PCDHA8: variants seen among roughly 807,000 people sequenced by gnomAD.
PCDHA8 encodes protocadherin alpha-8.
A neutral mutation model predicts 61.8 loss-of-function variants in PCDHA8; 53 were observed. The ratio of observed to expected loss-of-function variants is 0.86; its 90% CI spans 0.69 to 1.08. PCDHA8 has a LOEUF of 1.08. Among genes scored for constraint, PCDHA8 ranks in the 50% least tolerant of loss-of-function variants. PCDHA8 has a pLI of 0.00. For missense variants in PCDHA8, 1,293 were observed against 1,245.0 expected, an observed-to-expected ratio of 1.04 and a Z score of -0.58; for synonymous variants, 618 against 556.6, an observed-to-expected ratio of 1.11 and a Z score of -1.55.
intron 1 of PCDHA8, among the ~76,000 whole-genome samples, chr5:140,963,630 C>T (rs1370293911): frequency 3.3e-5 from 5 of 152,140 alleles, no homozygotes; most frequent in African/African-American, 1.2e-4. Flanking sequence ...TTGTTGCATA[C>T]GCATCTTCCC....
At chr5:140,965,555 G>A (rs1373065218) in intron 1 of PCDHA8, among the ~76,000 whole-genome samples, 4 of 151,798 alleles carry the variant, frequency 2.6e-5, no homozygotes, top group Non-Finnish European at 5.9e-5. Flanking sequence ...CCTGGCTTAG[G>A]AGATCAACAG....
At chr5:140,901,697 C>T (rs57431111) in intron 1 of PCDHA8, among the ~76,000 whole-genome samples, 1,867 of 152,140 alleles carry the variant, frequency 0.012, 40 homozygotes, top group African/African-American at 0.043. Context: ...TTTTGTAGTT[C>T]TATATACATT....
At chr5:140,998,779 G>T (rs782154283) in intron 3 of PCDHA8, among the ~76,000 whole-genome samples, 3 of 152,140 alleles carry the variant, frequency 2.0e-5, no homozygotes, top group Non-Finnish European at 4.4e-5. Context: ...GGTCAGGCTG[G>T]TCTGGAACCC....
At chr5:140,896,572 T>C (rs1208639295) in intron 1 of PCDHA8, among the ~76,000 whole-genome samples, 5 of 152,002 alleles carry the variant, frequency 3.3e-5, no homozygotes, top group Admixed American at 3.3e-4. Context: ...AGATGGGGTT[T>C]TGACGTGTTG....
In PCDHA8 at chr5:140,900,436, G is replaced by C. The variant is rs553121120; in HGVS notation, c.2394+56721G>C. 8.5e-5 allele frequency among the ~76,000 whole-genome samples: 13 copies of C among 152,126 alleles called. No individual in the cohort carries two copies. The East Asian group carries it at 2.5e-3, about 30-fold the overall frequency. ...GGGATTATAGGCACGTGCCACCACG[G>C]CCGGCTAATTTTTTATTTTTAGTAG... On this transcript the variant is annotated intron_variant, in intron 1 of 3. Transcript: ENST00000531613.
intron 1 of PCDHA8, chr5:140,858,518 A>G: frequency 7.0e-7 from 1 of 1,420,434 alleles, no homozygotes; most frequent in African/African-American, 1.4e-5. Context: ...TATGTATCAG[A>G]ATATTTCATT....
At chr5:140,999,526 C>G (rs1429753507) in intron 3 of PCDHA8, among the ~76,000 whole-genome samples, 1 of 152,026 alleles carries the variant, frequency 6.6e-6, no homozygotes, top group Non-Finnish European at 1.5e-5. Context: ...TTTGTTACCC[C>G]CTGGATATGA....
At chr5:140,868,887 GGC>G in intron 1 of PCDHA8, 1 of 740,170 alleles carries the variant, frequency 1.4e-6, no homozygotes, top group Non-Finnish European at 2.1e-6. Context: ...CACAGTTTTA[GGC>G]GCAAGGTGTC....
intron 1 of PCDHA8, among the ~76,000 whole-genome samples, chr5:140,888,287 C>G (rs1371852276): frequency 6.6e-6 from 1 of 152,072 alleles, no homozygotes; most frequent in African/African-American, 2.4e-5. Flanking sequence ...CCCCTCTACC[C>G]CCTACCCAGG....
chr5:140,910,580 C>T (rs1384259049), intron 1 of PCDHA8, among the ~76,000 whole-genome samples: 1 of 152,162 alleles, frequency 6.6e-6, no homozygotes, highest in Non-Finnish European at 1.5e-5. Flanking sequence ...CTGGATCCTC[C>T]CAGCTGGGAT....
At chr5:140,977,836 T>C (rs1300356505) in intron 1 of PCDHA8, among the ~76,000 whole-genome samples, 1 of 152,236 alleles carries the variant, frequency 6.6e-6, no homozygotes, top group African/African-American at 2.4e-5. Flanking sequence ...TCTATTGATA[T>C]TACTATGGCT....
intron 1 of PCDHA8, among the ~76,000 whole-genome samples, chr5:140,974,838 A>G (rs1554236389): frequency 6.6e-6 from 1 of 152,134 alleles, no homozygotes; most frequent in Admixed American, 6.5e-5. Context: ...ATTATTTTAA[A>G]TGTTATATTC....
chr5:140,906,585 C>T (rs782305409), intron 1 of PCDHA8, among the ~76,000 whole-genome samples: 1 of 152,208 alleles, frequency 6.6e-6, no homozygotes, highest in Non-Finnish European at 1.5e-5. Context: ...TTGATGACTA[C>T]CTTCCTCTAC....
At chr5:140,907,099 C>T (rs2073164781) in intron 1 of PCDHA8, among the ~76,000 whole-genome samples, 1 of 152,108 alleles carries the variant, frequency 6.6e-6, no homozygotes, top group Admixed American at 6.5e-5. Flanking sequence ...GGTGCCACTT[C>T]CACTTCCACC....
intron 1 of PCDHA8, among the ~76,000 whole-genome samples, chr5:140,872,376 C>T (rs1270470575): frequency 1.3e-5 from 2 of 152,128 alleles, no homozygotes; most frequent in Non-Finnish European, 2.9e-5. Flanking sequence ...CCTGTAATCC[C>T]AGCTATTTGG....
chr5:140,933,865 A>G (rs918877939), intron 1 of PCDHA8, among the ~76,000 whole-genome samples: 14 of 151,864 alleles, frequency 9.2e-5, no homozygotes, highest in African/African-American at 1.4e-4. Flanking sequence ...TTTTTCAGAT[A>G]TATGTTAGTT....
chr5:141,000,359 CTG>C (rs1554257257), intron 3 of PCDHA8, among the ~76,000 whole-genome samples: 2 of 78,146 alleles, frequency 2.6e-5, no homozygotes, highest in South Asian at 4.6e-4. Context: ...CTGTCTCTCT[CTG>C]TCTCTCTCTC....
chr5:140,985,226 C>T (rs1319001576), intron 3 of PCDHA8, among the ~76,000 whole-genome samples: 6 of 152,126 alleles, frequency 3.9e-5, no homozygotes, highest in Admixed American at 6.5e-5. Flanking sequence ...CGTGAGCCAC[C>T]GCGCCTGGCC....
rs782014250 is a variant in PCDHA8, at chr5:140,883,952, G to T, written c.2394+40237G>T. On this transcript the variant is annotated intron_variant, in intron 1 of 3. Transcript: ENST00000531613. The stretch of plus-strand genomic sequence containing the variant: ...GTTCGTGCTGGACGAGAACGACAAC[G>T]CTCCGGCGCTGCTGACGCCCGGGGC... 2.0e-5 allele frequency: 32 copies of T among 1,613,030 alleles called. No individual in the cohort carries two copies. The highest frequency in any genetic ancestry group is 2.6e-5 in the Non-Finnish European group (31 of 1,179,806).
Sources: gnomAD v4.1 joint callset for allele counts (sites outside exome capture counted in the v4.1 genomes callset) on GRCh38, gnomAD v4.1.1 for gene constraint, MANE v1.5 for transcripts, NCBI Gene and HGNC (gene_info 2026-07-23, HGNC 2026-07-21) for gene names.